The following OTOG variants were observed in gnomAD, a reference collection of about 807,000 sequenced individuals.
The protein encoded by OTOG is otogelin.
Under a neutral mutation model 313.8 loss-of-function variants are expected in OTOG, and 296 were observed. The observed-to-expected ratio is 0.94, with a 90% CI of 0.86 to 1.04. OTOG has a LOEUF of 1.04. Ranked by LOEUF, OTOG falls within the 50% of genes least tolerant of loss-of-function variation. The pLI is 0.00. For missense variants in OTOG, 3,948 were observed against 3,840.1 expected, an observed-to-expected ratio of 1.03 and a Z score of -0.74; for synonymous variants, 1,533 against 1,554.9, an observed-to-expected ratio of 0.99 and a Z score of 0.33.
chr11:17,548,138 C>G lies in OTOG; in HGVS notation c.156-14C>G. On this transcript the variant is annotated splice_polypyrimidine_tract_variant and intron_variant, in intron 2 of 55. Transcript: ENST00000399397. ...CCTAGCCCCCCATCCATGCCAGACT[C>G]GTGTTTCCTCCAGCAGCAGCCACCA... 6.5e-7 allele frequency: 1 copy of G among 1,545,350 alleles called. No individual in the cohort carries two copies. The highest frequency in any genetic ancestry group is 8.7e-7 in the Non-Finnish European group (1 of 1,143,926).
intron 39 of OTOG, among the ~76,000 whole-genome samples, chr11:17,614,394 A>C (rs1369302486): frequency 6.6e-6 from 1 of 152,188 alleles, no homozygotes; most frequent in Non-Finnish European, 1.5e-5. Context: ...TTGAACAGAA[A>C]ACTCCCTGAG....
At chr11:17,640,168 T>C (rs2133718491) in intron 49 of OTOG, among the ~76,000 whole-genome samples, 1 of 152,252 alleles carries the variant, frequency 6.6e-6, no homozygotes, top group Admixed American at 6.5e-5. Context: ...GGGGCTTTCA[T>C]GTGTATTATT....
At chr11:17,637,604 T>A (rs186556951) in intron 47 of OTOG, among the ~76,000 whole-genome samples, 7 of 152,338 alleles carry the variant, frequency 4.6e-5, no homozygotes, top group Non-Finnish European at 8.8e-5. Flanking sequence ...ATGAGCTTCA[T>A]AGCACATCAC....
At chr11:17,561,386 C>T (rs552287152) in intron 14 of OTOG, among the ~76,000 whole-genome samples, 6 of 152,352 alleles carry the variant, frequency 3.9e-5, no homozygotes, top group Admixed American at 2.6e-4. Flanking sequence ...CCTTCCCGAG[C>T]TAGGGGTACT....
chr11:17,629,430 G>A, intron 40 of OTOG, 114 bp downstream of exon 40: 1 of 1,234,808 alleles, frequency 8.1e-7, no homozygotes, highest in Non-Finnish European at 1.1e-6. Context: ...GCCAGAGGTT[G>A]GAGCAGCAGA....
At chr11:17,597,042 G>A in intron 30 of OTOG, 35 bp downstream of exon 30, 1 of 1,545,734 alleles carries the variant, frequency 6.5e-7, no homozygotes, top group Non-Finnish European at 8.7e-7. Context: ...AGGGGACAGA[G>A]TAGAGTGTCA....
rs1851951401 is a variant in OTOG at position 17,552,186 on chromosome 11, T to A, written c.292+111T>A. The A allele has an allele frequency of 6.4e-6, 7 of 1,088,348 alleles. No homozygotes were observed. The Admixed American group carries it at 1.4e-4, about 22-fold the overall frequency. 67.4% of individuals were successfully genotyped at this position (1,088,348 alleles called of 1,614,324 possible). A position where few individuals can be genotyped will look rare whatever the true frequency, so the allele number is the denominator to read the frequency against. On this transcript the variant is annotated intron_variant, in intron 4 of 55. Coordinates refer to ENST00000399397, the MANE Select transcript of OTOG (RefSeq NM_001292063.2). ...TCCCTCAGGCCTCCATGACCCCTTT[T>A]TCCTGCTTGGCATCTCCTTCCACCC...
chr11:17,622,902 G>C (rs1327584783), intron 39 of OTOG, among the ~76,000 whole-genome samples: 1 of 152,098 alleles, frequency 6.6e-6, no homozygotes, highest in Middle Eastern at 3.2e-3. Context: ...TCTATTTTTA[G>C]TGTTTTGAGG....
intron 39 of OTOG, among the ~76,000 whole-genome samples, chr11:17,618,802 C>T (rs529922962): frequency 7.2e-5 from 11 of 152,226 alleles, no homozygotes; most frequent in African/African-American, 2.4e-4. Flanking sequence ...TAGGAAATGG[C>T]CATTTTATCC....
chr11:17,615,870 G>A (rs949030202), intron 39 of OTOG, among the ~76,000 whole-genome samples: 1 of 152,254 alleles, frequency 6.6e-6, no homozygotes, highest in Non-Finnish European at 1.5e-5. Context: ...GGAGGTTGCG[G>A]TGAGCTGAGA....
In OTOG at chr11:17,641,937, A is replaced by T. The variant is rs1188527629; in HGVS notation, c.8281A>T (p.Thr2761Ser). 3 of 1,549,672 alleles carry T rather than the reference A, an allele frequency of 1.9e-6. No individual in the cohort carries two copies. Among genetic ancestry groups the T allele is most frequent in the Non-Finnish European group, 2.6e-6 (3 of 1,146,694 alleles). Residue 2761 changes from threonine to serine, a missense_variant, in exon 52 of 56, where the codon ACC (threonine) becomes TCC (serine). By Grantham distance (58) the Thr-to-Ser change is moderately conservative. Transcript: ENST00000399397. Reference sequence around the variant, plus strand: ...TCTCTTCACCTTCCCCAATGGCACCACCTCCCTGTTCTTGGTAAGCAGCCC... The same window carrying T: ...TCTCTTCACCTTCCCCAATGGCACCTCCTCCCTGTTCTTGGTAAGCAGCCC... ...SCLFTFPNGT[T>S]SLFLPGASWI... is the part of the protein sequence containing the mutation.
At chr11:17,631,376 C>G (rs1009911440) in intron 40 of OTOG, among the ~76,000 whole-genome samples, 12 of 137,852 alleles carry the variant, frequency 8.7e-5, no homozygotes, top group South Asian at 2.2e-4. Context: ...CTCTCTCTCT[C>G]TCTGTGTGTG....
Position 17,639,434 on chromosome 11 carries a change from G to C in OTOG, c.7906G>C (p.Asp2636His). ...CTTGTGTTTTTCAGAATGTGACTGTGACACAATCCCGGTGCCCCGGTGCCA... is the reference window on the plus strand; with the variant it reads ...CTTGTGTTTTTCAGAATGTGACTGTCACACAATCCCGGTGCCCCGGTGCCA... The part of the protein sequence containing the change: ...CPYKSCECDC[D>H]TIPVPRCHLW... Residue 2636 changes from aspartate (D) to histidine (H), a missense_variant, in exon 49 of 56, where the codon GAC becomes CAC. Asp to His is a moderately conservative substitution (Grantham distance 81, BLOSUM62 -1). Coordinates refer to ENST00000399397, the MANE Select transcript of OTOG (RefSeq NM_001292063.2). 2 of 1,550,730 alleles carry C rather than the reference G, an allele frequency of 1.3e-6. No individual in the cohort carries two copies. The highest frequency in any genetic ancestry group is 2.7e-5 in the African/African-American group (2 of 73,162).
chr11:17,575,578 A>C (rs533373912), intron 20 of OTOG, among the ~76,000 whole-genome samples: 2 of 152,170 alleles, frequency 1.3e-5, no homozygotes. Context: ...CAGCGACCCC[A>C]CGTGATCTTG....
At chr11:17,602,497 G>A (rs1338371710) in intron 32 of OTOG, 120 bp downstream of exon 32, 20 of 1,158,488 alleles carry the variant, frequency 1.7e-5, no homozygotes, top group Non-Finnish European at 2.0e-5. Context: ...TCCGACAAGT[G>A]CCCCTCTCCC....
chr11:17,618,037 C>G (rs538725801), intron 39 of OTOG, among the ~76,000 whole-genome samples: 1 of 151,986 alleles, frequency 6.6e-6, no homozygotes, highest in African/African-American at 2.4e-5. Flanking sequence ...CTCAGCCACC[C>G]GAGTAGCTGG....
chr11:17,594,201 C>A, intron 28 of OTOG, 35 bp downstream of exon 28: 1 of 1,550,456 alleles, frequency 6.4e-7, no homozygotes, highest in Non-Finnish European at 8.7e-7. Context: ...TTATGCCCCT[C>A]ACTCAGATGG....
intron 31 of OTOG, among the ~76,000 whole-genome samples, chr11:17,600,763 A>G (rs1026899957): frequency 6.6e-6 from 1 of 152,238 alleles, no homozygotes; most frequent in Non-Finnish European, 1.5e-5. Context: ...AAGGCATTTC[A>G]GCAAGATGGA....
In OTOG at chr11:17,634,288, G is replaced by A; in HGVS notation, c.7480+7G>A. ...TGCCTGGGGACTGTCTGTGGTGAGT[G>A]TCCACCTTCACTTCCTTGGACGTCA... On this transcript the variant is annotated splice_region_variant and intron_variant, in intron 44 of 55. Transcript: ENST00000399397. The A allele has an allele frequency of 2.6e-6, 4 of 1,548,992 alleles. No individual in the cohort carries two copies. The highest frequency in any genetic ancestry group is 3.5e-6 in the Non-Finnish European group (4 of 1,145,718).
Sources: allele counts gnomAD v4.1 joint callset (sites outside exome capture counted in the v4.1 genomes callset), GRCh38; gene constraint gnomAD v4.1.1; transcripts MANE v1.5; gene names NCBI Gene and HGNC (gene_info 2026-07-23, HGNC 2026-07-21).